The following KEL variants were observed in gnomAD, a reference collection of about 807,000 sequenced individuals.
The protein encoded by KEL is Kell metallo-endopeptidase (Kell blood group).
Under a neutral mutation model 99.5 loss-of-function variants are expected in KEL, and 96 were observed. The observed-to-expected ratio is 0.97, with a 90% CI of 0.82 to 1.14. KEL has a LOEUF of 1.14. Among genes scored for constraint, KEL ranks in the 50% most tolerant of loss-of-function variants. The pLI is 0.00. For missense variants in KEL, 926 were observed against 924.2 expected, an observed-to-expected ratio of 1.00 and a Z score of -0.03; for synonymous variants, 355 against 354.8, an observed-to-expected ratio of 1.00 and a Z score of -0.01.
At chr7:142,951,300 G>T (rs1796681373) in intron 10 of KEL, among the ~76,000 whole-genome samples, 1 of 152,178 alleles carries the variant, frequency 6.6e-6, no homozygotes, top group Non-Finnish European at 1.5e-5. Context: ...TTTATAGGTA[G>T]CTGTTTGTTG....
At chr7:142,943,162 C>A in intron 16 of KEL, 114 bp downstream of exon 16, 1 of 1,546,456 alleles carries the variant, frequency 6.5e-7, no homozygotes, top group Non-Finnish European at 8.9e-7. Context: ...GCAAAGTTCC[C>A]AGGACTGCCC....
chr7:142,945,630 T>C (rs1796502123), intron 11 of KEL, among the ~76,000 whole-genome samples: 1 of 148,758 alleles, frequency 6.7e-6, no homozygotes, highest in Non-Finnish European at 1.5e-5. Context: ...TGTTCAATTT[T>C]CCTTTTTTTT....
At position 142,952,598 on chromosome 7, in the gene KEL, T is replaced by C; in HGVS notation, c.1114A>G (p.Thr372Ala). The C allele has an allele frequency of 3.1e-6, 5 of 1,613,960 alleles. No individual in the cohort carries two copies. The highest frequency in any genetic ancestry group is 4.2e-6 in the Non-Finnish European group (5 of 1,179,976). ...TGACTGTCCAGGGCTGGAGAAAGGGTCACCACCAGCCCTAAGATCATGTGG... is the reference window on the plus strand; with the variant it reads ...TGACTGTCCAGGGCTGGAGAAAGGGCCACCACCAGCCCTAAGATCATGTGG... ...QSHMILGLVV[T>A]LSPALDSQFQ... Residue 372 changes from threonine (T) to alanine (A), a missense_variant, in exon 10 of 19, where the codon ACC becomes GCC. Coordinates refer to ENST00000355265, the MANE Select transcript of KEL (RefSeq NM_000420.3).
Position 142,942,873 on chromosome 7 carries a change from A to G in KEL, c.1941+2T>C. ...AAACTGTGGCCCTTGACACTTGCAT[A>G]CCTGCAGCGCGATGGCTAGCCCCCC... is the stretch of plus-strand genomic sequence containing the variant. On this transcript the variant is annotated splice_donor_variant, in intron 17 of 18. Transcript: ENST00000355265. LOFTEE classifies it high-confidence loss of function. The G allele has an allele frequency of 3.7e-6, 6 of 1,614,162 alleles. No homozygotes were observed. Among genetic ancestry groups the G allele is most frequent in the Non-Finnish European group, 5.1e-6 (6 of 1,180,018 alleles).
rs1398458656 is a variant in KEL, at chr7:142,957,720, C to T, written c.672+107G>A. The T allele has an allele frequency of 2.9e-6, 4 of 1,386,770 alleles. No individual in the cohort carries two copies. In the African/African-American group the frequency reaches 5.7e-5, roughly 20 times the overall value. 85.9% of individuals were successfully genotyped at this position (1,386,770 alleles called of 1,614,324 possible). A position where few individuals can be genotyped will look rare whatever the true frequency, so the allele number is the denominator to read the frequency against. Reference sequence around the variant, plus strand: ...CTTAAGGTAGGGTTGTTTCCTATATCACACAGGTGTCCTCTCTTCCCAACC... The same window carrying T: ...CTTAAGGTAGGGTTGTTTCCTATATTACACAGGTGTCCTCTCTTCCCAACC... On this transcript the variant is annotated intron_variant, in intron 6 of 18. Transcript: ENST00000355265.
At chr7:142,951,573 A>C (rs776780152) in intron 10 of KEL, among the ~76,000 whole-genome samples, 5 of 152,198 alleles carry the variant, frequency 3.3e-5, no homozygotes, top group Non-Finnish European at 7.3e-5. Context: ...TCCTCTTTAA[A>C]ATAGGAACCA....
Position 142,942,882 on chromosome 7 carries a change from G to T in KEL, c.1934C>A (p.Ala645Glu), listed in dbSNP as rs147851584. ...CCCTTGACACTTGCATACCTGCAGCGCGATGGCTAGCCCCCCAACGTCTGC... is the reference window on the plus strand; with the variant it reads ...CCCTTGACACTTGCATACCTGCAGCTCGATGGCTAGCCCCCCAACGTCTGC... The part of the protein sequence containing the change: ...NAADVGGLAI[A>E]LQAYSKRLLR... Residue 645 changes from alanine (A) to glutamate (E), a missense_variant, in exon 17 of 19, where the codon GCG (alanine) becomes GAG (glutamate). Transcript: ENST00000355265. 45 of 1,614,010 alleles carry T rather than the reference G, an allele frequency of 2.8e-5. No individual in the cohort carries two copies. The highest frequency in any genetic ancestry group is 3.5e-5 in the Non-Finnish European group (41 of 1,180,026).
rs745366314 is a variant in KEL at position 142,944,274 on chromosome 7, T to G, written c.1491+49A>C. The G allele has an allele frequency of 5.7e-6, 8 of 1,412,228 alleles. No homozygotes were observed. The South Asian group carries it at 8.0e-5, about 14-fold the overall frequency. The allele number at this position is 1,412,228 out of a possible 1,614,324, so 87.5% of individuals were successfully genotyped here. ...CAAAGACTTAGGAGGGTCAGAGAAGTGACGAGAAGTCAAGGACTGAAAAGG... is the reference window on the plus strand; with the variant it reads ...CAAAGACTTAGGAGGGTCAGAGAAGGGACGAGAAGTCAAGGACTGAAAAGG... On this transcript the variant is annotated intron_variant, in intron 13 of 18. Transcript: ENST00000355265.
intron 6 of KEL, among the ~76,000 whole-genome samples, chr7:142,956,894 C>T (rs1461301685): frequency 6.6e-6 from 1 of 152,098 alleles, no homozygotes; most frequent in Non-Finnish European, 1.5e-5. Flanking sequence ...ACAGTAGGGC[C>T]CAAATATGCA....
At chr7:142,951,969 G>T (rs1015681288) in intron 10 of KEL, among the ~76,000 whole-genome samples, 2 of 152,026 alleles carry the variant, frequency 1.3e-5, no homozygotes, top group Non-Finnish European at 2.9e-5. Flanking sequence ...AGTAGACTCT[G>T]GTTAGTGAAG....
chr7:142,944,277 C>T (rs375035987), intron 13 of KEL, 46 bp downstream of exon 13: 50 of 1,444,966 alleles, frequency 3.5e-5, no homozygotes, highest in East Asian at 2.0e-4. Flanking sequence ...AGAGAAGTGA[C>T]GAGAAGTCAA....
At chr7:142,959,661 T>C (rs1460634273) in intron 4 of KEL, among the ~76,000 whole-genome samples, 1 of 152,174 alleles carries the variant, frequency 6.6e-6, no homozygotes, top group Non-Finnish European at 1.5e-5. Flanking sequence ...TCCTCATCCA[T>C]TGATCCCAGG....
Position 142,961,041 on chromosome 7 carries a change from C to T in KEL, c.287G>A (p.Ser96Asn), listed in dbSNP as rs771756071. 2 of 1,614,192 alleles carry T rather than the reference C, an allele frequency of 1.2e-6. No homozygotes were observed. Among genetic ancestry groups the T allele is most frequent in the Non-Finnish European group, 1.7e-6 (2 of 1,180,012 alleles). The part of the protein sequence containing the change: ...RDHYLASGNT[S>N]VAPCTDFFSF... ...GAAGAAGTCGGTGCAGGGGGCCACA[C>T]TTGTGTTCCCAGAGGCCAGGTAATG... Residue 96 changes from serine (S) to asparagine (N), a missense_variant, in exon 4 of 19, where the codon AGT becomes AAT. Transcript: ENST00000355265.
chr7:142,951,580 A>T (rs866996288), intron 10 of KEL, among the ~76,000 whole-genome samples: 1 of 152,194 alleles, frequency 6.6e-6, no homozygotes, highest in African/African-American at 2.4e-5. Context: ...TAAAATAGGA[A>T]CCAAATGGCA....
chr7:142,962,225 T>C lies in KEL; in HGVS notation c.-19A>G. Reference sequence around the variant, plus strand: ...TTACCATCTGTCTATCTTCTGTGGCTCCAGAATCCTTCCTGGTTCCACTCT... The same window carrying C: ...TTACCATCTGTCTATCTTCTGTGGCCCCAGAATCCTTCCTGGTTCCACTCT... On this transcript the variant is annotated 5_prime_UTR_variant, in exon 1 of 19. Transcript: ENST00000355265. 6.2e-7 allele frequency: 1 copy of C among 1,614,128 alleles called. No homozygotes were observed.
At position 142,943,444 on chromosome 7, in the gene KEL, T is replaced by C. The variant is rs768235134; in HGVS notation, c.1703+42A>G. 7 of 1,606,410 alleles carry C rather than the reference T, an allele frequency of 4.4e-6. No homozygotes were observed. In the South Asian group the frequency reaches 7.7e-5, roughly 18 times the overall value. ...ATCCATCATAACACCTGTCGGCCCCTCTTGGGAAACTCCCTACCTACCCTT... is the reference window on the plus strand; with the variant it reads ...ATCCATCATAACACCTGTCGGCCCCCCTTGGGAAACTCCCTACCTACCCTT... On this transcript the variant is annotated intron_variant, in intron 15 of 18. Transcript: ENST00000355265.
intron 10 of KEL, among the ~76,000 whole-genome samples, chr7:142,951,946 A>G (rs1796696421): frequency 6.6e-6 from 1 of 152,120 alleles, no homozygotes; most frequent in South Asian, 2.1e-4. Flanking sequence ...GCATCTCTGC[A>G]TCTTATGTAA....
intron 18 of KEL, 57 bp from the exon 19 acceptor site, chr7:142,941,470 G>C: frequency 6.7e-7 from 1 of 1,484,244 alleles, no homozygotes; most frequent in South Asian, 1.3e-5. Context: ...AGCTGACCCG[G>C]TGACAAGGGG....
At chr7:142,946,159 G>T (rs917562095) in intron 11 of KEL, 48 bp downstream of exon 11, 1 of 1,314,888 alleles carries the variant, frequency 7.6e-7, no homozygotes, top group Non-Finnish European at 1.1e-6. Context: ...AGGCTGCTTT[G>T]GGTAGGAAGG....
Sources: gnomAD v4.1 joint callset for allele counts (sites outside exome capture counted in the v4.1 genomes callset) on GRCh38, gnomAD v4.1.1 for gene constraint, MANE v1.5 for transcripts, NCBI Gene and HGNC (gene_info 2026-07-23, HGNC 2026-07-21) for gene names.